The following NUP214 variants were observed in gnomAD, a reference collection of about 807,000 sequenced individuals.
The protein encoded by NUP214 is nucleoporin 214, also known as nuclear pore complex protein Nup214.
In NUP214, 79 loss-of-function variants were observed where a neutral mutation model predicts 196.2. The ratio of observed to expected loss-of-function variants is 0.40; its 90% CI spans 0.34 to 0.49. The LOEUF (loss-of-function observed/expected upper bound fraction) is 0.49. Among genes scored for constraint, NUP214 ranks in the 20% least tolerant of loss-of-function variants. NUP214 has a pLI of 0.58. For synonymous variants in NUP214, 1,020 were observed against 990.5 expected, an observed-to-expected ratio of 1.03 and a Z score of -0.56; for missense variants, 2,468 against 2,539.0, an observed-to-expected ratio of 0.97 and a Z score of 0.60.
At chr9:131,172,859 CCATTTTAAAT>C (rs1275119895) in intron 21 of NUP214, among the ~76,000 whole-genome samples, 1 of 151,910 alleles carries the variant, frequency 6.6e-6, no homozygotes, top group Non-Finnish European at 1.5e-5. Context: ...ATTTGCAGAG[CCATTTTAAAT>C]AACTTGGGGA....
intron 27 of NUP214, 24 bp downstream of exon 27, chr9:131,192,316 T>A (rs749404598): frequency 1.1e-5 from 15 of 1,423,460 alleles, no homozygotes; most frequent in Non-Finnish European, 1.5e-5. Flanking sequence ...TTAAGTTTTA[T>A]GGCAAATTAC....
rs1459671888 is a variant in NUP214 at position 131,144,650 on chromosome 9, T to C, written c.1665T>C (p.Pro555=). The C allele has an allele frequency of 2.5e-6, 4 of 1,614,092 alleles. No individual in the cohort carries two copies. Among genetic ancestry groups the C allele is most frequent in the Middle Eastern group, 1.6e-4 (1 of 6,084 alleles). Residue 555 remains proline, a synonymous_variant, in exon 12 of 36, where the codon CCT becomes CCC. Coordinates refer to ENST00000359428, the MANE Select transcript of NUP214 (RefSeq NM_005085.4). ...SFSFGSSGFK[P]TLESTPVPSV... ...CCTTTGGATCATCTGGTTTTAAGCC[T>C]ACCCTGGAAAGCACACCAGTGCCAA... is the stretch of plus-strand genomic sequence containing the variant.
chr9:131,191,597 G>A (rs749384194), intron 26 of NUP214: 6 of 152,138 alleles, frequency 3.9e-5, no homozygotes, highest in Non-Finnish European at 7.3e-5. Context: ...CTTTTTGCAT[G>A]TCTCCATATT....
At chr9:131,223,166 T>C (rs1304704511) in intron 32 of NUP214, among the ~76,000 whole-genome samples, 4 of 152,024 alleles carry the variant, frequency 2.6e-5, no homozygotes, top group Admixed American at 1.3e-4. Context: ...TGCAACATTT[T>C]TTTTTCTTTT....
Position 131,180,218 on chromosome 9 carries a change from C to G in NUP214, c.3419+1808C>G, listed in dbSNP as rs144639211. 5.9e-5 allele frequency among the ~76,000 whole-genome samples: 9 copies of G among 152,288 alleles called. No individual in the cohort carries two copies. In the East Asian group the frequency reaches 1.7e-3, roughly 29 times the overall value. On this transcript the variant is annotated intron_variant, in intron 24 of 35. Transcript: ENST00000359428. Reference sequence around the variant, plus strand: ...GTTCCATTCTCCACAGAATTAGACTCTGGTATAATTATTTCATGTGTATGC... The same window carrying G: ...GTTCCATTCTCCACAGAATTAGACTGTGGTATAATTATTTCATGTGTATGC...
At position 131,189,135 on chromosome 9, in the gene NUP214, A is replaced by G. The variant is rs76053840; in HGVS notation, c.3574+4A>G. ...TCATCTGGTGACAAAGCTTCAGGTC[A>G]GTTTGCATTTTTGTTTTCTTGAAAA... is the stretch of plus-strand genomic sequence containing the variant. On this transcript the variant is annotated splice_donor_region_variant and intron_variant, in intron 26 of 35. Transcript: ENST00000359428. 1.7e-5 allele frequency: 27 copies of G among 1,613,544 alleles called. No individual in the cohort carries two copies. The highest frequency in any genetic ancestry group is 1.6e-4 in the Middle Eastern group (1 of 6,062).
At chr9:131,149,048 A>G (rs1832171354) in intron 14 of NUP214, among the ~76,000 whole-genome samples, 1 of 152,086 alleles carries the variant, frequency 6.6e-6, no homozygotes, top group Non-Finnish European at 1.5e-5. Context: ...TTTTTATGGT[A>G]TAATGTAAAG....
intron 30 of NUP214, among the ~76,000 whole-genome samples, chr9:131,207,098 G>A (rs970272300): frequency 7.9e-5 from 12 of 152,178 alleles, no homozygotes; most frequent in African/African-American, 2.9e-4. Flanking sequence ...GGCAGATTCT[G>A]GCTAGGATGT....
intron 34 of NUP214, among the ~76,000 whole-genome samples, chr9:131,231,912 C>CAAA (rs900440054): frequency 2.1e-4 from 9 of 43,894 alleles, no homozygotes; most frequent in Admixed American, 2.7e-4. Flanking sequence ...ACAACAACAG[C>CAAA]AAAAAAAAAA....
intron 8 of NUP214, 119 bp from the exon 9 acceptor site, chr9:131,135,821 A>C: frequency 1.4e-6 from 1 of 700,526 alleles, no homozygotes; most frequent in Admixed American, 2.6e-5. Flanking sequence ...ACCAGATAAA[A>C]AACCTTACTC....
chr9:131,179,656 C>T (rs545745625), intron 24 of NUP214, among the ~76,000 whole-genome samples: 1 of 152,324 alleles, frequency 6.6e-6, no homozygotes, highest in East Asian at 1.9e-4. Context: ...TCTGTTTTCC[C>T]TCTCTCAAGT....
chr9:131,221,862 G>A (rs1179694300), intron 31 of NUP214, among the ~76,000 whole-genome samples: 1 of 148,620 alleles, frequency 6.7e-6, no homozygotes, highest in Non-Finnish European at 1.5e-5. Flanking sequence ...CCCAAAAAAA[G>A]TTTGAAAACT....
intron 30 of NUP214, among the ~76,000 whole-genome samples, chr9:131,213,375 A>G (rs1834301588): frequency 6.6e-6 from 1 of 152,096 alleles, no homozygotes; most frequent in African/African-American, 2.4e-5. Flanking sequence ...GGGTTTCTCC[A>G]TGTTGGTCAG....
At chr9:131,173,996 C>G in intron 21 of NUP214, 59 bp from the exon 22 acceptor site, 2 of 1,558,586 alleles carry the variant, frequency 1.3e-6, no homozygotes, top group Non-Finnish European at 1.7e-6. Flanking sequence ...GTGAAAATTA[C>G]TTAGCTTTTG....
At chr9:131,175,885 C>A in intron 23 of NUP214, 1 of 398,666 alleles carries the variant, frequency 2.5e-6, no homozygotes. Context: ...TTTTTTTAAA[C>A]AAAATTGCTA....
chr9:131,148,605 T>A (rs190835399), intron 14 of NUP214, among the ~76,000 whole-genome samples: 132 of 152,350 alleles, frequency 8.7e-4, no homozygotes, highest in African/African-American at 3.1e-3. Context: ...TTTTGTTGTA[T>A]GGTTTTGTGG....
In NUP214 at chr9:131,203,159, A is replaced by T. The variant is rs555444197; in HGVS notation, c.5592+1442A>T. ...ACGGGGTTTCGCTGTGTTAGCCAGG[A>T]TGGTCTCGATCTCCTGATCTCGTGA... is the stretch of plus-strand genomic sequence containing the variant. On this transcript the variant is annotated intron_variant, in intron 30 of 35. Transcript: ENST00000359428. Among the ~76,000 whole-genome samples the T allele has an allele frequency of 4.0e-5, 6 of 151,264 alleles. No individual in the cohort carries two copies. In the South Asian group the frequency reaches 1.3e-3, roughly 32 times the overall value.
Position 131,134,972 on chromosome 9 carries a change from G to A in NUP214, c.906G>A (p.Gln302=). The part of the protein sequence containing the change: ...EPCYGSCTER[Q]HHYYLSYIEE... ...GTTATGGCAGCTGCACGGAGAGACAGCATCATTACTACCTCAGTTACATTG... is the reference window on the plus strand; with the variant it reads ...GTTATGGCAGCTGCACGGAGAGACAACATCATTACTACCTCAGTTACATTG... Residue 302 remains glutamine (Q), a synonymous_variant, in exon 8 of 36, where the codon CAG becomes CAA. Coordinates refer to ENST00000359428, the MANE Select transcript of NUP214 (RefSeq NM_005085.4). 2 of 1,613,296 alleles carry A rather than the reference G, an allele frequency of 1.2e-6. No individual in the cohort carries two copies. Among genetic ancestry groups the A allele is most frequent in the Non-Finnish European group, 8.5e-7 (1 of 1,179,340 alleles).
Position 131,197,482 on chromosome 9 carries a change from ACT to A in NUP214, c.3991_3992del (p.Leu1331GlyfsTer13). 6.2e-7 allele frequency: 1 copy of A among 1,613,984 alleles called. No homozygotes were observed. Among genetic ancestry groups the A allele is most frequent in the Non-Finnish European group, 8.5e-7 (1 of 1,179,986 alleles). ...LLFPSSLAGE[T>X]LGSFSGLRVG... is the part of the protein sequence containing the mutation. ...GTTTCCAAGTTCTTTGGCTGGAGAG[ACT>A]CTGGGAAGTTTTTCAGGACTGCGGG... On this transcript the variant is annotated frameshift_variant, in exon 29 of 36. Coordinates refer to ENST00000359428, the MANE Select transcript of NUP214 (RefSeq NM_005085.4). LOFTEE classifies it high-confidence loss of function.
Sources: allele counts gnomAD v4.1 joint callset (sites outside exome capture counted in the v4.1 genomes callset), GRCh38; gene constraint gnomAD v4.1.1; transcripts MANE v1.5; gene names NCBI Gene and HGNC (gene_info 2026-07-23, HGNC 2026-07-21).